CPQ: variants seen among roughly 807,000 people sequenced by gnomAD.
CPQ encodes the protein carboxypeptidase Q, also known as Ser-Met dipeptidase.
CPQ carries 37 observed loss-of-function variants against 45.7 expected under a neutral mutation model. That is an observed-to-expected ratio of 0.81 (90% CI 0.62 to 1.07). The LOEUF (loss-of-function observed/expected upper bound fraction) is 1.07, where lower values mean the gene tolerates loss of function less well. Ranked by LOEUF, CPQ falls within the 50% of genes least tolerant of loss-of-function variation. The probability of loss-of-function intolerance (pLI) is 0.00; values close to 1 mark genes in which losing one functional copy is unlikely to be tolerated. For missense variants in CPQ, 537 were observed against 572.9 expected (o/e 0.94, Z 0.64); for synonymous variants, 186 against 205.8 (o/e 0.90, Z 0.82).
At chr8:96,742,077 T>A (rs1405590680) in intron 1 of CPQ, among the ~76,000 whole-genome samples, 70 of 143,900 alleles carry the variant, frequency 4.9e-4, no homozygotes, top group African/African-American at 1.8e-3. Flanking sequence ...CAGTGGGGTG[T>A]TAAAGTCTCC....
intron 1 of CPQ, among the ~76,000 whole-genome samples, chr8:96,657,189 AC>A (rs1011291566): frequency 1.3e-5 from 2 of 152,110 alleles, no homozygotes; most frequent in Non-Finnish European, 2.9e-5. Context: ...TACTAAAAAT[AC>A]AAAAATTAGC....
chr8:97,123,124 TAAATAAAATA>T (rs1257317280), intron 7 of CPQ, among the ~76,000 whole-genome samples: 6 of 49,762 alleles, frequency 1.2e-4, no homozygotes, highest in Non-Finnish European at 2.3e-4. Flanking sequence ...TAAAATAAAA[TAAATAAAATA>T]AAATAAAATA....
chr8:96,862,952 A>T (rs2130868475), intron 3 of CPQ, among the ~76,000 whole-genome samples: 1 of 152,182 alleles, frequency 6.6e-6, no homozygotes, highest in African/African-American at 2.4e-5. Context: ...TGGAGGGATG[A>T]ACTGGCAGGA....
At chr8:97,044,536 T>G (rs1209974007) in intron 6 of CPQ, among the ~76,000 whole-genome samples, 1 of 152,252 alleles carries the variant, frequency 6.6e-6, no homozygotes, top group Non-Finnish European at 1.5e-5. Flanking sequence ...AGGAACTGCC[T>G]TCCTTTGGAG....
intron 3 of CPQ, among the ~76,000 whole-genome samples, chr8:96,856,481 ACTT>A (rs1407163819): frequency 6.6e-6 from 1 of 152,242 alleles, no homozygotes; most frequent in Non-Finnish European, 1.5e-5. Context: ...TTATTTGTGT[ACTT>A]CTTTACTGTT....
chr8:97,088,802 T>C (rs1346689304), intron 7 of CPQ, among the ~76,000 whole-genome samples: 1 of 152,168 alleles, frequency 6.6e-6, no homozygotes, highest in African/African-American at 2.4e-5. Context: ...ACTTGATTAA[T>C]TTTAACCATA....
chr8:96,745,286 C>T (rs563688498), intron 1 of CPQ, among the ~76,000 whole-genome samples: 136 of 151,578 alleles, frequency 9.0e-4, no homozygotes, highest in Middle Eastern at 3.4e-3. Flanking sequence ...CCAGCCTGGG[C>T]GACAGAGCAA....
At chr8:96,749,947 A>G (rs1810237167) in intron 1 of CPQ, among the ~76,000 whole-genome samples, 1 of 152,160 alleles carries the variant, frequency 6.6e-6, no homozygotes, top group Non-Finnish European at 1.5e-5. Flanking sequence ...GTCCCAAAAT[A>G]GGGAACTGAT....
intron 6 of CPQ, among the ~76,000 whole-genome samples, chr8:97,030,370 C>CT (rs113611390): frequency 1.3e-3 from 189 of 143,918 alleles, no homozygotes; most frequent in African/African-American, 3.3e-3. Flanking sequence ...TATTTTTGAC[C>CT]TTTTTTTTTT....
intron 5 of CPQ, among the ~76,000 whole-genome samples, chr8:97,016,450 A>G (rs1461558630): frequency 6.6e-6 from 1 of 152,236 alleles, no homozygotes; most frequent in Non-Finnish European, 1.5e-5. Context: ...TTTTATTTAT[A>G]TTTATACAAA....
chr8:96,797,549 A>C (rs1008999547), intron 2 of CPQ, among the ~76,000 whole-genome samples: 3 of 152,178 alleles, frequency 2.0e-5, no homozygotes, highest in Non-Finnish European at 4.4e-5. Context: ...TCATGAAAGG[A>C]GGTATCTCCA....
chr8:96,667,822 AG>A (rs1808946633), intron 1 of CPQ, among the ~76,000 whole-genome samples: 1 of 152,072 alleles, frequency 6.6e-6, no homozygotes, highest in South Asian at 2.1e-4. Context: ...TCTTATATGA[AG>A]TCTTGTCTAA....
intron 2 of CPQ, among the ~76,000 whole-genome samples, chr8:96,834,499 C>T (rs1213519685): frequency 6.6e-6 from 1 of 152,160 alleles, no homozygotes; most frequent in East Asian, 1.9e-4. Flanking sequence ...TAAGAGTATT[C>T]TTCACACACT....
intron 5 of CPQ, among the ~76,000 whole-genome samples, chr8:97,003,162 A>G (rs1359696886): frequency 6.6e-6 from 1 of 151,950 alleles, no homozygotes; most frequent in Non-Finnish European, 1.5e-5. Context: ...ATTGCATGTG[A>G]CATTGGTCTC....
At chr8:97,126,906 T>C (rs1172199792) in intron 7 of CPQ, among the ~76,000 whole-genome samples, 1 of 152,170 alleles carries the variant, frequency 6.6e-6, no homozygotes, top group Non-Finnish European at 1.5e-5. Flanking sequence ...AAGTACAAGG[T>C]TATTCAACGG....
In CPQ at chr8:96,908,107, C is replaced by CGTGTGTGT. The variant is rs35548556; in HGVS notation, c.849+28131_849+28138dup. The stretch of plus-strand genomic sequence containing the variant: ...TTATTGGATTTCTCCCCCACTGCAA[C>CGTGTGTGT]GTGTGTGTGTGTGTGTGTGTGTGTG... On this transcript the variant is annotated intron_variant, in intron 4 of 7. Coordinates refer to ENST00000220763, the MANE Select transcript of CPQ (RefSeq NM_016134.4). Among the ~76,000 whole-genome samples, 216 of 145,812 alleles carry CGTGTGTGT rather than the reference C, an allele frequency of 1.5e-3. 2 individuals carry two copies. The highest frequency in any genetic ancestry group is 3.5e-3 in the Admixed American group (51 of 14,534).
rs117030082 is a variant in CPQ at position 96,858,375 on chromosome 8, C to T, written c.642-21423C>T. Among the ~76,000 whole-genome samples, 317 of 152,286 alleles carry T rather than the reference C, an allele frequency of 2.1e-3. 5 individuals carry two copies. The East Asian group carries it at 0.042, about 20-fold the overall frequency. On this transcript the variant is annotated intron_variant, in intron 3 of 7. Coordinates refer to ENST00000220763, the MANE Select transcript of CPQ (RefSeq NM_016134.4). ...GTGTTTGCTTTTATCAGATAATCTT[C>T]TACCTACTTTGAGTTTACCTTCTAT...
chr8:96,842,404 C>T lies in CPQ; in HGVS notation c.641+7224C>T, dbSNP rs549805415. 5.3e-5 allele frequency among the ~76,000 whole-genome samples: 8 copies of T among 152,258 alleles called. No homozygotes were observed. The South Asian group carries it at 1.7e-3, about 32-fold the overall frequency. ...ATACCACTGGGACTCAAAAACTGTACAAGTGACTCACCTCGATTAGTAGGC... is the reference window on the plus strand; with the variant it reads ...ATACCACTGGGACTCAAAAACTGTATAAGTGACTCACCTCGATTAGTAGGC... On this transcript the variant is annotated intron_variant, in intron 3 of 7. Transcript: ENST00000220763.
At chr8:96,685,648 T>C (rs937457312) in intron 1 of CPQ, among the ~76,000 whole-genome samples, 5 of 152,176 alleles carry the variant, frequency 3.3e-5, no homozygotes, top group African/African-American at 1.2e-4. Flanking sequence ...GGTTTTTATA[T>C]CTTGCATTGC....
Sources: allele counts gnomAD v4.1 joint callset (sites outside exome capture counted in the v4.1 genomes callset), GRCh38; gene constraint gnomAD v4.1.1; transcripts MANE v1.5; gene names NCBI Gene and HGNC (gene_info 2026-07-23, HGNC 2026-07-21).